The following BACH1 variants were observed in gnomAD, a reference collection of about 807,000 sequenced individuals.
BACH1 encodes the protein BTB domain and CNC homolog 1, also known as transcription regulator protein BACH1.
In BACH1, 35 loss-of-function variants were observed where a neutral mutation model predicts 52.9. The ratio of observed to expected loss-of-function variants is 0.66; its 90% CI spans 0.51 to 0.88. The LOEUF is 0.88. BACH1 is among the 40% of genes least tolerant of loss of function. The probability of loss-of-function intolerance (pLI) is 0.00; values close to 1 mark genes in which losing one functional copy is unlikely to be tolerated. For missense variants in BACH1, 808 were observed against 872.6 expected (o/e 0.93, Z 0.93); for synonymous variants, 321 against 319.6 (o/e 1.00, Z -0.05).
At chr21:29,347,826 G>T (rs146876817), downstream of BACH1, among the ~76,000 whole-genome samples, 1 of 152,146 alleles carries the variant, frequency 6.6e-6, no homozygotes, top group Non-Finnish European at 1.5e-5. Flanking sequence ...TCATCGTCCC[G>T]TGTAGCATGT....
chr21:29,306,725 C>G (rs545608723), intron 1 of BACH1, among the ~76,000 whole-genome samples: 1 of 152,020 alleles, frequency 6.6e-6, no homozygotes, highest in Non-Finnish European at 1.5e-5. Context: ...ATACAAACTT[C>G]GGAGGAGAAA....
intron 2 of BACH1, chr21:29,352,733 A>T: frequency 6.8e-6 from 1 of 146,072 alleles, no homozygotes. Context: ...TTTTTTTGAG[A>T]TGGAGTCTTG....
At chr21:29,352,320 C>T (rs1163958156) in intron 2 of BACH1, among the ~76,000 whole-genome samples, 3 of 152,140 alleles carry the variant, frequency 2.0e-5, no homozygotes, top group Non-Finnish European at 4.4e-5. Context: ...TCCCAAAGTG[C>T]TGGGATTGCA....
intron 2 of BACH1, among the ~76,000 whole-genome samples, chr21:29,324,647 C>T (rs984344016): frequency 1.3e-5 from 2 of 150,998 alleles, no homozygotes; most frequent in Admixed American, 6.6e-5. Context: ...TGGTTTTTGG[C>T]TATCACAAAT....
intron 1 of BACH1, among the ~76,000 whole-genome samples, chr21:29,301,831 A>G (rs2088607179): frequency 6.6e-6 from 1 of 152,158 alleles, no homozygotes; most frequent in African/African-American, 2.4e-5. Flanking sequence ...TAATAAGACG[A>G]CATATTCAGT....
rs1035248328 is a variant in BACH1 at position 29,327,109 on chromosome 21, T to G, written c.1285T>G (p.Ser429Ala). 1.2e-6 allele frequency: 2 copies of G among 1,614,100 alleles called. No homozygotes were observed. Among genetic ancestry groups the G allele is most frequent in the Non-Finnish European group, 8.5e-7 (1 of 1,180,036 alleles). ...AVAKDGSEQISQKRSECPWLG... is the reference protein window; with the variant it reads ...AVAKDGSEQIAQKRSECPWLG... ...GGCCAAAGATGGCTCAGAACAGATCTCACAGAAACGGTCTGAGTGTCCGTG... is the reference window on the plus strand; with the variant it reads ...GGCCAAAGATGGCTCAGAACAGATCGCACAGAAACGGTCTGAGTGTCCGTG... Residue 429 changes from serine to alanine, a missense_variant, in exon 3 of 5, where the codon TCA (serine) becomes GCA (alanine). Transcript: ENST00000286800.
intron 1 of BACH1, among the ~76,000 whole-genome samples, chr21:29,306,471 T>G (rs1472716093): frequency 6.6e-6 from 1 of 151,988 alleles, no homozygotes; most frequent in Non-Finnish European, 1.5e-5. Flanking sequence ...AGGTCAGCAT[T>G]GCACACAAGC....
chr21:29,313,333 A>G (rs532209327), intron 1 of BACH1, among the ~76,000 whole-genome samples: 1 of 152,372 alleles, frequency 6.6e-6, no homozygotes, highest in East Asian at 1.9e-4. Flanking sequence ...ATTGTCATAC[A>G]CTGCTGGTAG....
intron 1 of BACH1, among the ~76,000 whole-genome samples, chr21:29,316,939 T>C (rs1302152659): frequency 2.0e-5 from 3 of 152,274 alleles, no homozygotes; most frequent in Non-Finnish European, 4.4e-5. Context: ...CCACATATGT[T>C]GGAATAGGTG....
intron 4 of BACH1, among the ~76,000 whole-genome samples, chr21:29,330,329 TA>T (rs1382915947): frequency 1.3e-5 from 2 of 151,488 alleles, no homozygotes; most frequent in Admixed American, 1.3e-4. Context: ...TGCGCCTGGC[TA>T]ATTTTTTTTT....
rs1686792479 is a variant in BACH1, at chr21:29,329,773, G to A, written c.1776+80G>A. ...AAGGAAATAGTTTTTAAATTTCTAG[G>A]TCAGATATAATGCTCAATTACTTAT... On this transcript the variant is annotated intron_variant, in intron 4 of 4. Transcript: ENST00000286800. The A allele has an allele frequency of 3.6e-6, 4 of 1,116,504 alleles. No individual in the cohort carries two copies. The African/African-American group carries it at 4.8e-5, about 13-fold the overall frequency. 69.2% of individuals were successfully genotyped at this position (1,116,504 alleles called of 1,614,324 possible).
downstream of BACH1, chr21:29,346,266 T>G (rs1203479711): frequency 9.0e-6 from 1 of 110,956 alleles, no homozygotes; most frequent in Non-Finnish European, 1.8e-5. Flanking sequence ...TAGTTGATGA[T>G]AATCATGCCT....
rs1276711930 is a variant in BACH1, at chr21:29,326,960, G to T, written c.1136G>T (p.Ser379Ile). 1 of 1,614,222 alleles carries T rather than the reference G, an allele frequency of 6.2e-7. No individual in the cohort carries two copies. Among genetic ancestry groups the T allele is most frequent in the Non-Finnish European group, 8.5e-7 (1 of 1,180,042 alleles). ...LKSDLGTRED[S>I]SVASSDRSSV... Reference sequence around the variant, plus strand: ...TCCGACTTGGGCACCAGGGAAGATAGTAGTGTTGCATCTAGTGATAGGAGT... The same window carrying T: ...TCCGACTTGGGCACCAGGGAAGATATTAGTGTTGCATCTAGTGATAGGAGT... Residue 379 changes from serine to isoleucine, a missense_variant, in exon 3 of 5, where the codon AGT (serine) becomes ATT (isoleucine). Transcript: ENST00000286800.
At chr21:29,337,929 TAAAACAAAAACA>T (rs147963506) in intron 4 of BACH1, among the ~76,000 whole-genome samples, 104 of 151,888 alleles carry the variant, frequency 6.8e-4, no homozygotes, top group African/African-American at 1.7e-3. Flanking sequence ...AACTCCGTCT[TAAAACAAAAACA>T]AAAACAAAAA....
At chr21:29,332,723 C>G (rs2088999092) in intron 4 of BACH1, among the ~76,000 whole-genome samples, 1 of 152,232 alleles carries the variant, frequency 6.6e-6, no homozygotes, top group Admixed American at 6.5e-5. Flanking sequence ...AATAATTTCA[C>G]TCTCTCCAGG....
chr21:29,326,184 AT>A lies in BACH1; in HGVS notation c.361del (p.Ser121ProfsTer6). On this transcript the variant is annotated frameshift_variant, in exon 3 of 5. Coordinates refer to ENST00000286800, the MANE Select transcript of BACH1 (RefSeq NM_001186.4). LOFTEE classifies it high-confidence loss of function. Reference sequence around the variant, plus strand: ...TTTTAAGTGTACATAATATTGAGGAATCCTGCTTTCAGTTTCTGAAATTTAA... The same window carrying A: ...TTTTAAGTGTACATAATATTGAGGAACCTGCTTTCAGTTTCTGAAATTTAA... ...EFLSVHNIEE[S>X]CFQFLKFKFL... 1 of 1,614,224 alleles carries A rather than the reference AT, an allele frequency of 6.2e-7. No individual in the cohort carries two copies. The highest frequency in any genetic ancestry group is 8.5e-7 in the Non-Finnish European group (1 of 1,180,028).
rs939064148 is a variant in BACH1 at position 29,343,201 on chromosome 21, A to G, written c.*368A>G. ...GAAACATCTACAGATAGTTCCTACT[A>G]AAAGAAGTGGCCTGCAGAAGTTTAA... On this transcript the variant is annotated 3_prime_UTR_variant, in exon 5 of 5. Transcript: ENST00000286800. 6.2e-6 allele frequency: 1 copy of G among 160,668 alleles called. No homozygotes were observed. Among genetic ancestry groups the G allele is most frequent in the African/African-American group, 2.4e-5 (1 of 41,670 alleles). 10.0% of individuals were successfully genotyped at this position (160,668 alleles called of 1,614,324 possible). A position where few individuals can be genotyped will look rare whatever the true frequency, so the allele number is the denominator to read the frequency against.
intron 1 of BACH1, among the ~76,000 whole-genome samples, chr21:29,308,049 A>C (rs966941486): frequency 3.9e-5 from 6 of 152,332 alleles, no homozygotes; most frequent in African/African-American, 1.4e-4. Flanking sequence ...GTCTCAGATA[A>C]ATGCAATAGT....
At position 29,332,106 on chromosome 21, in the gene BACH1, G is replaced by A. The variant is rs1319327665; in HGVS notation, c.1776+2413G>A. ...TGCCACCACACCCAACTAATTTTTT[G>A]TATTTTTAGTGGAGAACAGGGGCTT... On this transcript the variant is annotated intron_variant, in intron 4 of 4. Transcript: ENST00000286800. Among the ~76,000 whole-genome samples, 3 of 152,062 alleles carry A rather than the reference G, an allele frequency of 2.0e-5. No individual in the cohort carries two copies. The East Asian group carries it at 5.8e-4, about 29-fold the overall frequency.
Sources: allele counts gnomAD v4.1 joint callset (sites outside exome capture counted in the v4.1 genomes callset), GRCh38; gene constraint gnomAD v4.1.1; transcripts MANE v1.5; gene names NCBI Gene and HGNC (gene_info 2026-07-23, HGNC 2026-07-21).